Variants in BACH2 observed in about 807,000 individuals in gnomAD.
BACH2 encodes the protein BACH transcriptional regulator 2, also known as transcription regulator protein BACH2.
In BACH2, 5 loss-of-function variants were observed where a neutral mutation model predicts 61.8. The ratio of observed to expected loss-of-function variants is 0.08; its 90% CI spans 0.04 to 0.17. The LOEUF (loss-of-function observed/expected upper bound fraction) is 0.17, where lower values mean the gene tolerates loss of function less well. BACH2 is among the 10% of genes least tolerant of loss of function. BACH2 has a pLI of 1.00. For synonymous variants in BACH2, 446 were observed against 440.1 expected (o/e 1.01, Z -0.17); for missense variants, 824 against 1,091.1 (o/e 0.76, Z 3.45).
intron 5 of BACH2, among the ~76,000 whole-genome samples, chr6:90,048,546 A>G (rs923473053): frequency 2.6e-5 from 4 of 152,212 alleles, no homozygotes; most frequent in African/African-American, 9.6e-5. Context: ...GAAAGATCCT[A>G]AGAACTTCTG....
At chr6:89,974,436 T>C (rs926223953) in intron 6 of BACH2, among the ~76,000 whole-genome samples, 1 of 152,236 alleles carries the variant, frequency 6.6e-6, no homozygotes, top group Non-Finnish European at 1.5e-5. Flanking sequence ...ACACAAGGGA[T>C]ATGCAAAAGA....
chr6:90,186,461 G>GT (rs58426012), intron 4 of BACH2, among the ~76,000 whole-genome samples: 12,301 of 152,088 alleles, frequency 0.081, 583 homozygotes, highest in South Asian at 0.14. Context: ...GTAGCTTTTT[G>GT]TTTTTTTAGT....
chr6:90,075,302 T>C (rs1781423899), intron 5 of BACH2, among the ~76,000 whole-genome samples: 1 of 152,196 alleles, frequency 6.6e-6, no homozygotes, highest in South Asian at 2.1e-4. Context: ...GCAAAGTCTG[T>C]AAGCACAGCC....
intron 4 of BACH2, among the ~76,000 whole-genome samples, chr6:90,101,018 T>A (rs1174914846): frequency 2.0e-5 from 3 of 152,216 alleles, no homozygotes; most frequent in Admixed American, 2.0e-4. Context: ...GAACATCTTT[T>A]CATTCACTTA....
intron 2 of BACH2, among the ~76,000 whole-genome samples, chr6:90,270,872 AACAGGC>A (rs1186182275): frequency 1.3e-5 from 2 of 152,224 alleles, no homozygotes; most frequent in Admixed American, 6.5e-5. Context: ...CTGGTATAAA[AACAGGC>A]ACATAGACCA....
chr6:90,135,453 C>A (rs1784239606), intron 4 of BACH2, among the ~76,000 whole-genome samples: 1 of 152,190 alleles, frequency 6.6e-6, no homozygotes, highest in Non-Finnish European at 1.5e-5. Context: ...TTAGGCTGGG[C>A]ACAGTAGCTC....
chr6:90,203,045 G>A (rs1201328267), intron 4 of BACH2, among the ~76,000 whole-genome samples: 2 of 152,116 alleles, frequency 1.3e-5, no homozygotes, highest in Non-Finnish European at 2.9e-5. Flanking sequence ...TATACTATAT[G>A]TAATATATAT....
At position 90,065,270 on chromosome 6, in the gene BACH2, C is replaced by CTTTTTTTTTTTTTTTTTTTTTTTT. The variant is rs71027920; in HGVS notation, c.-13+23667_-13+23690dup. ...GCCACCCCACCCCCTGCCGCCCCCA[C>CTTTTTTTTTTTTTTTTTTTTTTTT]TTTTTTTTTTTTTTTTTTTTTTTTT... On this transcript the variant is annotated intron_variant, in intron 5 of 8. Transcript: ENST00000257749. Among the ~76,000 whole-genome samples the CTTTTTTTTTTTTTTTTTTTTTTTT allele has an allele frequency of 8.2e-4, 43 of 52,666 alleles. 4 individuals carry two copies. The highest frequency in any genetic ancestry group is 1.1e-3 in the Non-Finnish European group (33 of 29,580). The allele number at this position is 52,666 out of a possible 152,430, so 34.6% of individuals were successfully genotyped here.
rs1316756636 is a variant in BACH2, at chr6:90,057,271, T to TA, written c.-13+31689dup. ...AGAGAGAAGAATCAAATAGACGCAA[T>TA]AAAAAATCATAAAGGGGATATCACC... On this transcript the variant is annotated intron_variant, in intron 5 of 8. Coordinates refer to ENST00000257749, the MANE Select transcript of BACH2 (RefSeq NM_021813.4). Among the ~76,000 whole-genome samples, 24 of 151,926 alleles carry TA rather than the reference T, an allele frequency of 1.6e-4. No individual in the cohort carries two copies. The East Asian group carries it at 4.4e-3, about 28-fold the overall frequency.
chr6:90,238,121 T>C (rs2127863269), intron 3 of BACH2, among the ~76,000 whole-genome samples: 1 of 152,352 alleles, frequency 6.6e-6, no homozygotes, highest in South Asian at 2.1e-4. Context: ...AATACATTCA[T>C]GTCTAAGAAT....
intron 3 of BACH2, among the ~76,000 whole-genome samples, chr6:90,233,597 TGG>T: frequency 6.6e-6 from 1 of 152,306 alleles, no homozygotes; most frequent in South Asian, 2.1e-4. Flanking sequence ...GAGTCCCTTT[TGG>T]GGTTTATGTG....
At chr6:89,977,819 A>G (rs1317634179) in intron 6 of BACH2, among the ~76,000 whole-genome samples, 3 of 152,208 alleles carry the variant, frequency 2.0e-5, no homozygotes, top group Non-Finnish European at 4.4e-5. Context: ...CAGTGTTCAG[A>G]AAGGCAAAAA....
intron 5 of BACH2, among the ~76,000 whole-genome samples, chr6:90,057,428 A>G (rs1009670688): frequency 6.6e-6 from 1 of 152,224 alleles, no homozygotes; most frequent in Non-Finnish European, 1.5e-5. Context: ...ACCAGGAACA[A>G]GTTGAATCTC....
intron 3 of BACH2, among the ~76,000 whole-genome samples, chr6:90,224,799 G>C (rs553559858): frequency 4.6e-5 from 7 of 152,150 alleles, no homozygotes; most frequent in African/African-American, 1.7e-4. Flanking sequence ...CAACAATTTG[G>C]TGCACCTGCT....
chr6:90,069,739 A>G (rs1304680710), intron 5 of BACH2, among the ~76,000 whole-genome samples: 1 of 152,240 alleles, frequency 6.6e-6, no homozygotes, highest in East Asian at 1.9e-4. Context: ...ACAATCCTTT[A>G]CAGAATGCAG....
chr6:90,132,898 A>C (rs1207284409), intron 4 of BACH2, among the ~76,000 whole-genome samples: 11 of 152,128 alleles, frequency 7.2e-5, no homozygotes, highest in African/African-American at 2.4e-4. Flanking sequence ...TTCCCACCCA[A>C]AGTGCCCACT....
At chr6:90,020,603 A>G (rs1353851697) in intron 5 of BACH2, among the ~76,000 whole-genome samples, 1 of 130,286 alleles carries the variant, frequency 7.7e-6, no homozygotes, top group Non-Finnish European at 1.7e-5. Context: ...TTCTTTATAC[A>G]TTACTCAGTC....
intron 3 of BACH2, among the ~76,000 whole-genome samples, chr6:90,207,912 T>G (rs1769206342): frequency 6.6e-6 from 1 of 152,148 alleles, no homozygotes. Context: ...CAATTTACAT[T>G]TTCAAAGATA....
In BACH2 at chr6:89,975,799, C is replaced by A. The variant is rs532060559; in HGVS notation, c.244-23937G>T. On this transcript the variant is annotated intron_variant, in intron 6 of 8. Transcript: ENST00000257749. Reference sequence around the variant, plus strand: ...AAGTGCTTTTGTTCTCGTTTTGGATCTGGTGGCAGAAACGAAATACCATCT... The same window carrying A: ...AAGTGCTTTTGTTCTCGTTTTGGATATGGTGGCAGAAACGAAATACCATCT... Among the ~76,000 whole-genome samples, 5 of 152,308 alleles carry A rather than the reference C, an allele frequency of 3.3e-5. No homozygotes were observed. In the South Asian group the frequency reaches 1.0e-3, roughly 32 times the overall value.
Sources: gnomAD v4.1 joint callset for allele counts (sites outside exome capture counted in the v4.1 genomes callset) on GRCh38, gnomAD v4.1.1 for gene constraint, MANE v1.5 for transcripts, NCBI Gene and HGNC (gene_info 2026-07-23, HGNC 2026-07-21) for gene names.